The following PALM2AKAP2 variants were observed in gnomAD, a reference collection of about 807,000 sequenced individuals.
PALM2AKAP2 encodes PALM2 and AKAP2 fusion.
A neutral mutation model predicts 71.5 loss-of-function variants in PALM2AKAP2; 37 were observed. The ratio of observed to expected loss-of-function variants is 0.52; its 90% CI spans 0.40 to 0.68. The LOEUF (loss-of-function observed/expected upper bound fraction) is 0.68. Among genes scored for constraint, PALM2AKAP2 ranks in the 30% least tolerant of loss-of-function variants. The pLI is 0.00. For synonymous variants in PALM2AKAP2, 468 were observed against 478.8 expected, an observed-to-expected ratio of 0.98 and a Z score of 0.29; for missense variants, 1,224 against 1,191.8, an observed-to-expected ratio of 1.03 and a Z score of -0.40.
chr9:110,135,985 A>T, intron 1 of PALM2AKAP2, 142 bp from the exon 8 acceptor site: 2 of 1,087,632 alleles, frequency 1.8e-6, no homozygotes, highest in Non-Finnish European at 2.5e-6. Flanking sequence ...CATTTAAGGG[A>T]TTATTAGAAA....
chr9:109,975,060 G>GCACA (rs35855395), intron 6 of PALM2AKAP2, among the ~76,000 whole-genome samples: 8,672 of 149,388 alleles, frequency 0.058, 251 homozygotes, highest in Middle Eastern at 0.11. Flanking sequence ...ATCTGCACGT[G>GCACA]CACACACACA....
intron 1 of PALM2AKAP2, among the ~76,000 whole-genome samples, chr9:109,755,162 G>A (rs1022965060): frequency 7.9e-5 from 12 of 151,968 alleles, no homozygotes; most frequent in Admixed American, 1.3e-4. Flanking sequence ...TCCCACATAC[G>A]TAGCAGCCAC....
chr9:110,028,947 GAAAA>G (rs58707028), intron 7 of PALM2AKAP2, among the ~76,000 whole-genome samples: 1 of 113,952 alleles, frequency 8.8e-6, no homozygotes. Flanking sequence ...GGTTCTTTTT[GAAAA>G]AAAAAAAAAA....
chr9:109,938,288 C>T (rs1278594688), intron 6 of PALM2AKAP2, among the ~76,000 whole-genome samples: 1 of 152,188 alleles, frequency 6.6e-6, no homozygotes, highest in African/African-American at 2.4e-5. Context: ...ATAACATTCT[C>T]ATATATGTAT....
At chr9:109,883,482 G>C (rs1025844910) in intron 3 of PALM2AKAP2, among the ~76,000 whole-genome samples, 11 of 152,162 alleles carry the variant, frequency 7.2e-5, no homozygotes, top group Admixed American at 7.2e-4. Context: ...GGTGAGCATC[G>C]TTTCCTCTGC....
chr9:110,061,589 A>G (rs1170283199), intron 1 of PALM2AKAP2, among the ~76,000 whole-genome samples: 22 of 149,392 alleles, frequency 1.5e-4, no homozygotes, highest in Admixed American at 1.2e-3. Context: ...ACAACCTTTG[A>G]TAGAGATACC....
At chr9:110,085,178 C>T (rs75578897) in intron 1 of PALM2AKAP2, among the ~76,000 whole-genome samples, 2,306 of 152,182 alleles carry the variant, frequency 0.015, 57 homozygotes, top group African/African-American at 0.053. Context: ...AGTGGTGACC[C>T]GTAGGAATTG....
chr9:109,821,864 C>G (rs1252755163), intron 1 of PALM2AKAP2, among the ~76,000 whole-genome samples: 1 of 152,186 alleles, frequency 6.6e-6, no homozygotes, highest in Non-Finnish European at 1.5e-5. Context: ...TCAAAAACAT[C>G]AAATGCCTCA....
chr9:109,897,107 A>G (rs1011680297), intron 3 of PALM2AKAP2, among the ~76,000 whole-genome samples: 2 of 152,242 alleles, frequency 1.3e-5, no homozygotes, highest in East Asian at 1.9e-4. Context: ...CCAACCTAGC[A>G]TAAGTATAGA....
intron 6 of PALM2AKAP2, among the ~76,000 whole-genome samples, chr9:110,000,885 T>C (rs962069745): frequency 6.6e-6 from 1 of 152,246 alleles, no homozygotes; most frequent in African/African-American, 2.4e-5. Flanking sequence ...GAAAATTTGT[T>C]TGAGTTCATT....
At chr9:109,806,132 A>G (rs1463881906) in intron 1 of PALM2AKAP2, among the ~76,000 whole-genome samples, 1 of 152,230 alleles carries the variant, frequency 6.6e-6, no homozygotes, top group Non-Finnish European at 1.5e-5. Context: ...TGTATCAACA[A>G]AATGTGCATG....
At position 109,787,694 on chromosome 9, in the gene PALM2AKAP2, C is replaced by A. The variant is rs544109366; in HGVS notation, c.45+7161C>A. On this transcript the variant is annotated intron_variant, in intron 1 of 9. Transcript: ENST00000302798. ...TGGGTCTTATGTTGTTACATCAACT[C>A]ATTTTCAAGAGAAGCCAGAAATCTG... Among the ~76,000 whole-genome samples, 10 of 152,246 alleles carry A rather than the reference C, an allele frequency of 6.6e-5. 1 individual carries two copies. In the South Asian group the frequency reaches 2.1e-3, roughly 32 times the overall value.
chr9:109,762,439 A>G (rs1347769258), intron 1 of PALM2AKAP2, among the ~76,000 whole-genome samples: 1 of 152,200 alleles, frequency 6.6e-6, no homozygotes, highest in African/African-American at 2.4e-5. Context: ...GAGTATAAGA[A>G]AAGTCTTTAT....
At chr9:109,653,431 C>A (rs1827252794) in intron 1 of PALM2AKAP2, among the ~76,000 whole-genome samples, 1 of 152,200 alleles carries the variant, frequency 6.6e-6, no homozygotes, top group African/African-American at 2.4e-5. Context: ...TATGAGCCAT[C>A]CAGAGAAACG....
chr9:109,806,687 G>A (rs556706453), intron 1 of PALM2AKAP2, among the ~76,000 whole-genome samples: 3 of 152,304 alleles, frequency 2.0e-5, no homozygotes, highest in African/African-American at 4.8e-5. Context: ...GGAACAGCAA[G>A]TGCTGGCCTG....
chr9:110,101,794 A>G (rs1835007299), intron 1 of PALM2AKAP2, among the ~76,000 whole-genome samples: 1 of 152,200 alleles, frequency 6.6e-6, no homozygotes, highest in South Asian at 2.1e-4. Flanking sequence ...AATCTGGGAA[A>G]TCCTCTGTAT....
intron 3 of PALM2AKAP2, among the ~76,000 whole-genome samples, chr9:109,884,172 A>G (rs1258604586): frequency 6.6e-6 from 1 of 152,218 alleles, no homozygotes; most frequent in African/African-American, 2.4e-5. Context: ...TTAAAAAGAA[A>G]GAGGACTGGC....
chr9:109,991,381 C>A (rs1832478742), intron 6 of PALM2AKAP2, among the ~76,000 whole-genome samples: 1 of 151,874 alleles, frequency 6.6e-6, no homozygotes, highest in African/African-American at 2.4e-5. Context: ...GGACTACAGG[C>A]AAGCACCACC....
intron 6 of PALM2AKAP2, among the ~76,000 whole-genome samples, chr9:109,935,834 CTA>C (rs1478338246): frequency 1.3e-5 from 2 of 152,168 alleles, no homozygotes; most frequent in African/African-American, 2.4e-5. Flanking sequence ...CCCTGCAGTG[CTA>C]TGTTATTTTC....
Sources: allele counts gnomAD v4.1 joint callset (sites outside exome capture counted in the v4.1 genomes callset), GRCh38; gene constraint gnomAD v4.1.1; transcripts MANE v1.5; gene names NCBI Gene and HGNC (gene_info 2026-07-23, HGNC 2026-07-21).